The following HEXB variants were observed in gnomAD, a reference collection of about 807,000 sequenced individuals.
The protein encoded by HEXB is hexosaminidase subunit beta.
HEXB carries 51 observed loss-of-function variants against 71.2 expected under a neutral mutation model. That is an observed-to-expected ratio of 0.72 (90% CI 0.57 to 0.90). The LOEUF is 0.90. HEXB is among the 40% of genes least tolerant of loss of function. The pLI, the probability that HEXB is intolerant of heterozygous loss-of-function variation, is 0.00. For synonymous variants in HEXB, 266 were observed against 249.3 expected, an observed-to-expected ratio of 1.07 and a Z score of -0.63; for missense variants, 617 against 677.0, an observed-to-expected ratio of 0.91 and a Z score of 0.98.
chr5:74,707,878 C>A (rs1046949029), intron 6 of HEXB, among the ~76,000 whole-genome samples: 1 of 152,190 alleles, frequency 6.6e-6, no homozygotes, highest in African/African-American at 2.4e-5. Context: ...AGGATATTAT[C>A]CAGGAGAATT....
chr5:74,664,660 C>G (rs1210932932), intron 1 of HEXB, among the ~76,000 whole-genome samples: 1 of 151,700 alleles, frequency 6.6e-6, no homozygotes, highest in Non-Finnish European at 1.5e-5. Context: ...CTGAAAAGGA[C>G]TCCATAAAGG....
intron 1 of HEXB, among the ~76,000 whole-genome samples, chr5:74,645,160 C>T (rs1050652992): frequency 1.1e-5 from 1 of 90,350 alleles, no homozygotes; most frequent in African/African-American, 3.4e-5. Flanking sequence ...ATGTGTGTCA[C>T]CTTATGTGTA....
In HEXB at chr5:74,689,308, T is replaced by C. The variant is rs769414501; in HGVS notation, c.300-20T>C. ...GGCTAAAATCCTTCTAAAATGTGTT[T>C]ACATTTATTTCTCAAACAGATATCA... On this transcript the variant is annotated intron_variant, in intron 1 of 13. Transcript: ENST00000261416. 5.6e-6 allele frequency: 9 copies of C among 1,602,298 alleles called. No individual in the cohort carries two copies. In the South Asian group the frequency reaches 6.6e-5, roughly 12 times the overall value.
intron 6 of HEXB, among the ~76,000 whole-genome samples, chr5:74,710,015 G>C (rs1327959841): frequency 6.6e-6 from 1 of 152,108 alleles, no homozygotes; most frequent in Non-Finnish European, 1.5e-5. Flanking sequence ...TATCCATGAT[G>C]AACATTGATG....
At chr5:74,698,151 C>T (rs1749158663) in intron 5 of HEXB, among the ~76,000 whole-genome samples, 1 of 151,786 alleles carries the variant, frequency 6.6e-6, no homozygotes, top group Admixed American at 6.6e-5. Flanking sequence ...GATCTCGGCT[C>T]ACTGCAACCT....
At chr5:74,690,975 G>A (rs776963539) in intron 2 of HEXB, among the ~76,000 whole-genome samples, 9 of 152,168 alleles carry the variant, frequency 5.9e-5, no homozygotes, top group East Asian at 3.9e-4. Context: ...TGGTCATTAC[G>A]TTGCCAAGGA....
upstream of HEXB, among the ~76,000 whole-genome samples, chr5:74,682,136 A>T (rs1310309824): frequency 2.0e-5 from 3 of 152,238 alleles, no homozygotes; most frequent in African/African-American, 7.2e-5. Flanking sequence ...AGACGGGCAG[A>T]TCATGAGATC....
chr5:74,720,843 G>A, intron 13 of HEXB, 96 bp downstream of exon 13: 1 of 981,164 alleles, frequency 1.0e-6, no homozygotes, highest in Non-Finnish European at 1.6e-6. Flanking sequence ...CTAACAAATA[G>A]TAATTAGAAG....
At chr5:74,691,722 G>C (rs1749007844) in intron 2 of HEXB, among the ~76,000 whole-genome samples, 1 of 152,164 alleles carries the variant, frequency 6.6e-6, no homozygotes, top group African/African-American at 2.4e-5. Flanking sequence ...GAGGGAGTTA[G>C]GTGAGTATCT....
chr5:74,644,624 C>T (rs993068894), intron 1 of HEXB, among the ~76,000 whole-genome samples: 1 of 151,984 alleles, frequency 6.6e-6, no homozygotes, highest in Non-Finnish European at 1.5e-5. Flanking sequence ...ACTTTTTTGT[C>T]TGGGGAAGAC....
At chr5:74,655,518 T>A (rs1748202728) in intron 1 of HEXB, among the ~76,000 whole-genome samples, 2 of 151,938 alleles carry the variant, frequency 1.3e-5, no homozygotes. Context: ...GTATTTTTAG[T>A]AGAGACAGGA....
At position 74,685,393 on chromosome 5, in the gene HEXB, G is replaced by A. The variant is rs760076719; in HGVS notation, c.133G>A (p.Ala45Thr). Residue 45 changes from alanine (A) to threonine (T), a missense_variant, in exon 1 of 14, where the codon GCC becomes ACC. Coordinates refer to ENST00000261416, the MANE Select transcript of HEXB (RefSeq NM_000521.4). ...GGTGCAGGTGGCGGAGGCGGCTCGGGCCCCGAGCGTCTCGGCCAAGCCGGG... is the reference window on the plus strand; with the variant it reads ...GGTGCAGGTGGCGGAGGCGGCTCGGACCCCGAGCGTCTCGGCCAAGCCGGG... ...LVVQVAEAAR[A>T]PSVSAKPGPA... The A allele has an allele frequency of 1.8e-5, 29 of 1,593,540 alleles. No homozygotes were observed. The highest frequency in any genetic ancestry group is 2.4e-5 in the Non-Finnish European group (28 of 1,172,194).
At chr5:74,701,179 C>T (rs1749252540) in intron 5 of HEXB, among the ~76,000 whole-genome samples, 1 of 152,148 alleles carries the variant, frequency 6.6e-6, no homozygotes, top group African/African-American at 2.4e-5. Context: ...CACCCATGCC[C>T]AGCCACAAGT....
intron 5 of HEXB, among the ~76,000 whole-genome samples, chr5:74,703,692 G>A (rs1264474751): frequency 6.6e-6 from 1 of 151,888 alleles, no homozygotes; most frequent in Non-Finnish European, 1.5e-5. Flanking sequence ...TGGGGTTTTG[G>A]TCTCACTGTC....
chr5:74,662,823 G>T (rs1172306248), intron 1 of HEXB, among the ~76,000 whole-genome samples: 3 of 152,092 alleles, frequency 2.0e-5, no homozygotes, highest in Non-Finnish European at 2.9e-5. Flanking sequence ...TAAAGGATGT[G>T]GTCCTAGAGC....
At chr5:74,685,084 C>A, upstream of HEXB, 1 of 646,440 alleles carries the variant, frequency 1.5e-6, no homozygotes, top group Non-Finnish European at 2.5e-6. Context: ...GTGACCTGGA[C>A]AGGGCGGGCT....
At chr5:74,677,429 ATTGGGG>A (rs1490460771) in intron 1 of HEXB, among the ~76,000 whole-genome samples, 1 of 146,588 alleles carries the variant, frequency 6.8e-6, no homozygotes, top group Non-Finnish European at 1.5e-5. Context: ...CTCAGATTCT[ATTGGGG>A]CAGGACAGCT....
At chr5:74,658,870 G>A (rs761827523) in intron 1 of HEXB, among the ~76,000 whole-genome samples, 2 of 152,068 alleles carry the variant, frequency 1.3e-5, no homozygotes, top group Non-Finnish European at 2.9e-5. Context: ...GAATGATTTA[G>A]GGAACCCACC....
chr5:74,701,773 A>AT (rs1484000646), intron 5 of HEXB, among the ~76,000 whole-genome samples: 1 of 151,982 alleles, frequency 6.6e-6, no homozygotes, highest in African/African-American at 2.4e-5. Flanking sequence ...TATTTGCTTT[A>AT]TTCTCCCTCT....
Sources: allele counts gnomAD v4.1 joint callset (sites outside exome capture counted in the v4.1 genomes callset), GRCh38; gene constraint gnomAD v4.1.1; transcripts MANE v1.5; gene names NCBI Gene and HGNC (gene_info 2026-07-23, HGNC 2026-07-21).